The following LPIN2 variants were observed in gnomAD, a reference collection of about 807,000 sequenced individuals.
The protein encoded by LPIN2 is lipin 2.
In LPIN2, 55 loss-of-function variants were observed where a neutral mutation model predicts 111.4. That is an observed-to-expected ratio of 0.49 (90% CI 0.40 to 0.62). LPIN2 has a LOEUF of 0.62. Among genes scored for constraint, LPIN2 ranks in the 20% least tolerant of loss-of-function variants. LPIN2 has a pLI of 0.00. For missense variants in LPIN2, 992 were observed against 1,112.1 expected (o/e 0.89, Z 1.54); for synonymous variants, 425 against 414.0 (o/e 1.03, Z -0.32).
intron 2 of LPIN2, among the ~76,000 whole-genome samples, chr18:2,955,871 C>T (rs1217034551): frequency 6.6e-6 from 1 of 152,046 alleles, no homozygotes; most frequent in African/African-American, 2.4e-5. Context: ...GCCGAGATCA[C>T]GCCATTGCAC....
chr18:2,931,234 G>A, intron 9 of LPIN2, 22 bp downstream of exon 9: 3 of 1,612,420 alleles, frequency 1.9e-6, no homozygotes, highest in Non-Finnish European at 2.5e-6. Flanking sequence ...AAATGAAGAT[G>A]GGGCACAAAC....
At chr18:2,922,279 CT>C (rs1362598862) in intron 16 of LPIN2, 80 bp from the exon 17 acceptor site, 20 of 1,502,282 alleles carry the variant, frequency 1.3e-5, no homozygotes, top group South Asian at 3.6e-5. Flanking sequence ...AAACCCCACA[CT>C]TTTCTTTCTT....
intron 7 of LPIN2, 96 bp from the exon 8 acceptor site, chr18:2,934,546 C>G (rs2077259005): frequency 5.0e-6 from 4 of 795,628 alleles, no homozygotes; most frequent in Non-Finnish European, 6.5e-6. Flanking sequence ...GAGTGACAAG[C>G]AGGATTTGAA....
chr18:2,946,172 G>A, intron 4 of LPIN2: 1 of 1,610,210 alleles, frequency 6.2e-7, no homozygotes, highest in Non-Finnish European at 8.5e-7. Context: ...TAGGGAGGCA[G>A]ATATTTTTAA....
Position 2,953,869 on chromosome 18 carries a change from T to C in LPIN2, c.288+635A>G, listed in dbSNP as rs7226550. Reference sequence around the variant, plus strand: ...AAATAAATAAATAAAAAGATCCACATTGAATCCATCAAGAATCCGTCGTTA... The same window carrying C: ...AAATAAATAAATAAAAAGATCCACACTGAATCCATCAAGAATCCGTCGTTA... On this transcript the variant is annotated intron_variant, in intron 3 of 19. Transcript: ENST00000677752. Among the ~76,000 whole-genome samples the C allele has an allele frequency of 8.4e-3, 1,284 of 152,328 alleles. 8 individuals are homozygous for C. Among genetic ancestry groups the C allele is most frequent in the African/African-American group, 0.026 (1,095 of 41,580 alleles).
intron 9 of LPIN2, among the ~76,000 whole-genome samples, chr18:2,929,847 T>C (rs554698962): frequency 1.6e-3 from 238 of 152,232 alleles, no homozygotes; most frequent in Non-Finnish European, 3.0e-3. Context: ...GAGATGGAGG[T>C]TGCAGTGAGC....
At chr18:2,955,767 C>T (rs896344457) in intron 2 of LPIN2, among the ~76,000 whole-genome samples, 1 of 151,898 alleles carries the variant, frequency 6.6e-6, no homozygotes, top group Non-Finnish European at 1.5e-5. Context: ...AATACAAAAT[C>T]GGCTGGGCAT....
At position 2,931,270 on chromosome 18, in the gene LPIN2, C is replaced by A; in HGVS notation, c.1442G>T (p.Gly481Val). Residue 481 changes from glycine to valine, a missense_variant, in exon 9 of 20, where the codon GGA becomes GTA. By Grantham distance (109) the Gly-to-Val change is moderately radical. Coordinates refer to ENST00000677752, the MANE Select transcript of LPIN2 (RefSeq NM_001375808.2). The part of the protein sequence containing the change: ...LSLCGGLSEN[G>V]EISKEKFMEH... ...ACCCAACGTACCTTTTGAAATTTCT[C>A]CATTTTCACTGAGGCCCCCGCAAAG... is the stretch of plus-strand genomic sequence containing the variant. 6.2e-7 allele frequency: 1 copy of A among 1,614,154 alleles called. No individual in the cohort carries two copies. The highest frequency in any genetic ancestry group is 8.5e-7 in the Non-Finnish European group (1 of 1,180,032).
At chr18:2,982,715 T>C (rs776590489) in intron 1 of LPIN2, 1 of 1,304,000 alleles carries the variant, frequency 7.7e-7, no homozygotes, top group Non-Finnish European at 1.0e-6. Flanking sequence ...TGAGTTTTAC[T>C]TAATGAGCCT....
Position 2,918,537 on chromosome 18 carries a change from C to T in LPIN2, c.*1756G>A, listed in dbSNP as rs1311164956. 2.0e-5 allele frequency: 3 copies of T among 152,160 alleles called. No individual in the cohort carries two copies. Among genetic ancestry groups the T allele is most frequent in the African/African-American group, 7.2e-5 (3 of 41,446 alleles). 9.4% of individuals were successfully genotyped at this position (152,160 alleles called of 1,614,324 possible). A position where few individuals can be genotyped will look rare whatever the true frequency, so the allele number is the denominator to read the frequency against. ...ATAAACAGAACCCAGGATCCCTAAC[C>T]TACTGTAGATAAATAAACTCATTAA... On this transcript the variant is annotated 3_prime_UTR_variant, in exon 20 of 20. Transcript: ENST00000677752.
rs868525846 is a variant in LPIN2 at position 2,940,959 on chromosome 18, C to T, written c.591-247G>A. On this transcript the variant is annotated intron_variant, in intron 4 of 19. Coordinates refer to ENST00000677752, the MANE Select transcript of LPIN2 (RefSeq NM_001375808.2). The stretch of plus-strand genomic sequence containing the variant: ...AAGAGAAATGTGATTTCTCTTTTTT[C>T]CATCCCTTAAGGGTGATTCAAAGGC... Among the ~76,000 whole-genome samples, 8 of 152,186 alleles carry T rather than the reference C, an allele frequency of 5.3e-5. 1 individual carries two copies. The Middle Eastern group carries it at 0.017, about 324-fold the overall frequency.
intron 4 of LPIN2, among the ~76,000 whole-genome samples, chr18:2,942,727 C>A (rs1162895214): frequency 1.3e-5 from 2 of 152,146 alleles, no homozygotes; most frequent in Admixed American, 6.5e-5. Flanking sequence ...CCCTTTCAGT[C>A]CTAAGATTCC....
At chr18:2,967,289 G>C (rs1343215654) in intron 1 of LPIN2, among the ~76,000 whole-genome samples, 2 of 151,936 alleles carry the variant, frequency 1.3e-5, no homozygotes, top group Non-Finnish European at 2.9e-5. Flanking sequence ...TGGTGTCCCT[G>C]AGGGCAAAAA....
chr18:2,920,719 T>A, intron 19 of LPIN2, 59 bp downstream of exon 19: 1 of 1,274,090 alleles, frequency 7.8e-7, no homozygotes. Context: ...AGGGTCTGTC[T>A]GTCCCCAACT....
rs35530040 is a variant in LPIN2 at position 2,965,731 on chromosome 18, CAAAA to C, written c.-9-4886_-9-4883del. On this transcript the variant is annotated intron_variant, in intron 1 of 19. Coordinates refer to ENST00000677752, the MANE Select transcript of LPIN2 (RefSeq NM_001375808.2). ...GGTGACAGAGTGAGACTCCCAATCTCAAAAAAAAAAAAAAAAAAGCATCAGTAAA... is the reference window on the plus strand; with the variant it reads ...GGTGACAGAGTGAGACTCCCAATCTCAAAAAAAAAAAAAAGCATCAGTAAA... 2.9e-5 allele frequency among the ~76,000 whole-genome samples: 3 copies of C among 103,264 alleles called. No individual in the cohort carries two copies. The Admixed American group carries it at 3.3e-4, about 11-fold the overall frequency. The allele number at this position is 103,264 out of a possible 152,430, so 67.7% of individuals were successfully genotyped here.
At chr18:2,994,067 A>C (rs2078304891) in intron 1 of LPIN2, among the ~76,000 whole-genome samples, 1 of 152,196 alleles carries the variant, frequency 6.6e-6, no homozygotes, top group African/African-American at 2.4e-5. Context: ...CTAGCCTTAC[A>C]CCACACAGTA....
intron 16 of LPIN2, 72 bp from the exon 17 acceptor site, chr18:2,922,271 A>AC: frequency 2.6e-6 from 4 of 1,511,898 alleles, no homozygotes; most frequent in Non-Finnish European, 3.6e-6. Flanking sequence ...CAAAAAAAAA[A>AC]CCCCACACTT....
At chr18:2,949,864 T>C (rs1010492547) in intron 4 of LPIN2, among the ~76,000 whole-genome samples, 1 of 152,170 alleles carries the variant, frequency 6.6e-6, no homozygotes, top group Non-Finnish European at 1.5e-5. Context: ...TTTGGGAGGC[T>C]GAGGCGGGAG....
chr18:2,933,237 C>G (rs2144171942), intron 8 of LPIN2, among the ~76,000 whole-genome samples: 1 of 152,286 alleles, frequency 6.6e-6, no homozygotes, highest in South Asian at 2.1e-4. Context: ...TGGACAGTGA[C>G]TGTGAACAGT....
Sources: gnomAD v4.1 joint callset for allele counts (sites outside exome capture counted in the v4.1 genomes callset) on GRCh38, gnomAD v4.1.1 for gene constraint, MANE v1.5 for transcripts, NCBI Gene and HGNC (gene_info 2026-07-23, HGNC 2026-07-21) for gene names.